Variants in RPH3A observed in about 807,000 individuals in gnomAD.
RPH3A encodes rabphilin 3A, also known as rabphilin-3A.
In RPH3A, 48 loss-of-function variants were observed where a neutral mutation model predicts 102.2. The ratio of observed to expected loss-of-function variants is 0.47; its 90% CI spans 0.37 to 0.60. The LOEUF is 0.60. Among genes scored for constraint, RPH3A ranks in the 20% least tolerant of loss-of-function variants. The probability of loss-of-function intolerance (pLI) is 0.00; values close to 1 mark genes in which losing one functional copy is unlikely to be tolerated. For synonymous variants in RPH3A, 310 were observed against 324.3 expected (o/e 0.96, Z 0.47); for missense variants, 781 against 910.1 (o/e 0.86, Z 1.83).
chr12:112,734,480 C>T (rs954451584), intron 1 of RPH3A, among the ~76,000 whole-genome samples: 1 of 152,172 alleles, frequency 6.6e-6, no homozygotes, highest in Admixed American at 6.5e-5. Flanking sequence ...GAAAGGGGTC[C>T]TAATCCAGAC....
intron 1 of RPH3A, among the ~76,000 whole-genome samples, chr12:112,663,308 TA>T (rs1197444453): frequency 6.6e-6 from 1 of 151,972 alleles, no homozygotes; most frequent in African/African-American, 2.4e-5. Flanking sequence ...CTTCTGGGCT[TA>T]AGCGATCCTC....
intron 1 of RPH3A, among the ~76,000 whole-genome samples, chr12:112,692,438 A>G (rs992730325): frequency 3.3e-5 from 5 of 152,210 alleles, no homozygotes; most frequent in Admixed American, 6.5e-5. Context: ...ATGTACAGTT[A>G]TTCTGTGTCA....
intron 1 of RPH3A, among the ~76,000 whole-genome samples, chr12:112,781,414 G>C (rs1026458527): frequency 1.3e-5 from 2 of 151,800 alleles, no homozygotes; most frequent in Non-Finnish European, 1.5e-5. Context: ...AGAACCATCA[G>C]CTCTGGGGCA....
At chr12:112,761,477 G>A (rs935926677) in intron 1 of RPH3A, among the ~76,000 whole-genome samples, 1 of 152,228 alleles carries the variant, frequency 6.6e-6, no homozygotes, top group Non-Finnish European at 1.5e-5. Flanking sequence ...TGTTCATTGG[G>A]AACTGGAGTG....
chr12:112,860,039 C>T (rs908771361), intron 5 of RPH3A, among the ~76,000 whole-genome samples: 29 of 152,310 alleles, frequency 1.9e-4, no homozygotes, highest in African/African-American at 7.0e-4. Flanking sequence ...CTAGGGCTTC[C>T]CTGCCAAGAC....
rs138206975 is a variant in RPH3A at position 112,877,275 on chromosome 12, A to G, written c.1171+409A>G. ...CAATTTTTAAAACTCTTTAATGTAT[A>G]TCTTCTAAAAGTAATTTATTAATCA... On this transcript the variant is annotated intron_variant, in intron 13 of 21. Coordinates refer to ENST00000389385, the MANE Select transcript of RPH3A (RefSeq NM_001143854.2). Among the ~76,000 whole-genome samples, 278 of 152,262 alleles carry G rather than the reference A, an allele frequency of 1.8e-3. 5 individuals are homozygous for G. Among genetic ancestry groups the G allele is most frequent in the African/African-American group, 2.4e-3 (98 of 41,524 alleles).
At chr12:112,840,659 A>C (rs2042126372) in intron 4 of RPH3A, among the ~76,000 whole-genome samples, 1 of 152,224 alleles carries the variant, frequency 6.6e-6, no homozygotes, top group African/African-American at 2.4e-5. Context: ...AGAGGCTTGC[A>C]TAGGTTCAGA....
At chr12:112,698,538 A>T (rs1195523202) in intron 1 of RPH3A, among the ~76,000 whole-genome samples, 1 of 152,142 alleles carries the variant, frequency 6.6e-6, no homozygotes, top group Non-Finnish European at 1.5e-5. Context: ...TGGCTTTTTA[A>T]ACCATAAAAT....
chr12:112,601,028 G>A (rs1566224144), intron 1 of RPH3A, among the ~76,000 whole-genome samples: 2 of 152,106 alleles, frequency 1.3e-5, no homozygotes, highest in Non-Finnish European at 2.9e-5. Flanking sequence ...TCATTATCAC[G>A]AGAACAACAT....
At position 112,887,805 on chromosome 12, in the gene RPH3A, T is replaced by C; in HGVS notation, c.1445T>C (p.Val482Ala). Residue 482 changes from valine to alanine, a missense_variant, in exon 17 of 22, where the codon GTC becomes GCC. By Grantham distance (64) the Val-to-Ala change is moderately conservative. Coordinates refer to ENST00000389385, the MANE Select transcript of RPH3A (RefSeq NM_001143854.2). ...DMQRKTLRISVCDEDKFGHNE... is the reference protein window; with the variant it reads ...DMQRKTLRISACDEDKFGHNE... ...CCTTGTGTTGGTGGCAGGATCTCCG[T>C]CTGTGATGAGGACAAATTTGGCCAC... The C allele has an allele frequency of 6.2e-7, 1 of 1,613,564 alleles. No individual in the cohort carries two copies.
At chr12:112,843,786 C>T (rs898290457) in intron 4 of RPH3A, among the ~76,000 whole-genome samples, 8 of 152,082 alleles carry the variant, frequency 5.3e-5, no homozygotes, top group Admixed American at 2.0e-4. Context: ...AGAGACGTGG[C>T]GGCAAATAAG....
intron 1 of RPH3A, among the ~76,000 whole-genome samples, chr12:112,646,326 A>G (rs757947614): frequency 1.3e-5 from 2 of 152,210 alleles, no homozygotes; most frequent in African/African-American, 2.4e-5. Context: ...AAGTAGCCCT[A>G]AAGGTGATAA....
At chr12:112,661,454 GT>G (rs2040048128) in intron 1 of RPH3A, among the ~76,000 whole-genome samples, 1 of 152,202 alleles carries the variant, frequency 6.6e-6, no homozygotes, top group Non-Finnish European at 1.5e-5. Context: ...GGAAATTTGT[GT>G]AGAGGACCTA....
intron 1 of RPH3A, among the ~76,000 whole-genome samples, chr12:112,638,616 T>A (rs988223397): frequency 5.3e-5 from 8 of 152,212 alleles, no homozygotes; most frequent in Non-Finnish European, 1.0e-4. Flanking sequence ...GCAGGACTTC[T>A]CAGAGCCTTT....
At chr12:112,642,803 C>A (rs968937131) in intron 1 of RPH3A, among the ~76,000 whole-genome samples, 1 of 152,130 alleles carries the variant, frequency 6.6e-6, no homozygotes, top group African/African-American at 2.4e-5. Context: ...TAATTTAATC[C>A]TCACATCAAT....
At chr12:112,688,501 T>G (rs991854773) in intron 1 of RPH3A, among the ~76,000 whole-genome samples, 1 of 152,202 alleles carries the variant, frequency 6.6e-6, no homozygotes, top group African/African-American at 2.4e-5. Context: ...ATCATGTTCT[T>G]GTTCTTTAGT....
rs144553489 is a variant in RPH3A, at chr12:112,780,520, T to C, written c.-139-11623T>C. ...GTTAGGGATAAGCCGATAAACGTAA[T>C]CTTGCAAACTAGAAAGGAGTATTTC... is the stretch of plus-strand genomic sequence containing the variant. On this transcript the variant is annotated intron_variant, in intron 1 of 21. Transcript: ENST00000543106. Among the ~76,000 whole-genome samples the C allele has an allele frequency of 1.3e-3, 202 of 152,350 alleles. 1 individual carries two copies. Among genetic ancestry groups the C allele is most frequent in the African/African-American group, 4.7e-3 (196 of 41,586 alleles).
chr12:112,726,405 G>A (rs762526256), intron 1 of RPH3A, among the ~76,000 whole-genome samples: 12 of 152,194 alleles, frequency 7.9e-5, no homozygotes, highest in African/African-American at 2.4e-4. Context: ...ATGAAGGTGC[G>A]ATTTCTTACA....
In RPH3A at chr12:112,721,144, C is replaced by T. The variant is rs566872121; in HGVS notation, c.-139-70999C>T. On this transcript the variant is annotated intron_variant, in intron 1 of 21. Transcript: ENST00000543106. ...GCTACCTAGCATAGTTTCTGGCACA[C>T]GGCAAGTGTTCAATAAATTTCAGCT... Among the ~76,000 whole-genome samples the T allele has an allele frequency of 3.3e-5, 5 of 152,248 alleles. No homozygotes were observed. In the South Asian group the frequency reaches 8.3e-4, roughly 25 times the overall value.
Sources: gnomAD v4.1 joint callset for allele counts (sites outside exome capture counted in the v4.1 genomes callset) on GRCh38, gnomAD v4.1.1 for gene constraint, MANE v1.5 for transcripts, NCBI Gene and HGNC (gene_info 2026-07-23, HGNC 2026-07-21) for gene names.